ADAMTSL3: variants seen among roughly 807,000 people sequenced by gnomAD.
ADAMTSL3 encodes ADAMTS like 3, also known as ADAMTS-like protein 3.
In ADAMTSL3, 128 loss-of-function variants were observed where a neutral mutation model predicts 201.7. The ratio of observed to expected loss-of-function variants is 0.63; its 90% CI spans 0.55 to 0.73. The LOEUF is 0.73. Ranked by LOEUF, ADAMTSL3 falls within the 30% of genes least tolerant of loss-of-function variation. The pLI is 0.00. For missense variants in ADAMTSL3, 1,990 were observed against 2,119.6 expected (o/e 0.94, Z 1.20); for synonymous variants, 738 against 748.4 (o/e 0.99, Z 0.23).
At chr15:83,988,451 T>C (rs1013153723) in intron 21 of ADAMTSL3, among the ~76,000 whole-genome samples, 1 of 152,234 alleles carries the variant, frequency 6.6e-6, no homozygotes, top group African/African-American at 2.4e-5. Context: ...ATGGGAAGAC[T>C]GGATCTCTAA....
chr15:83,694,091 G>A (rs1424506573), intron 2 of ADAMTSL3, among the ~76,000 whole-genome samples: 1 of 152,190 alleles, frequency 6.6e-6, no homozygotes, highest in African/African-American at 2.4e-5. Context: ...CTGCCTAGAT[G>A]GGGCCCTGAG....
At chr15:83,927,355 C>G (rs1291421213) in intron 17 of ADAMTSL3, among the ~76,000 whole-genome samples, 2 of 152,064 alleles carry the variant, frequency 1.3e-5, no homozygotes, top group Non-Finnish European at 2.9e-5. Flanking sequence ...CTCGAGTGAT[C>G]CGCCCACCTC....
At chr15:83,710,652 C>G (rs2061921412) in intron 3 of ADAMTSL3, among the ~76,000 whole-genome samples, 1 of 152,200 alleles carries the variant, frequency 6.6e-6, no homozygotes, top group Non-Finnish European at 1.5e-5. Context: ...TGACTCTTCT[C>G]TTTCCTTCCT....
At chr15:83,802,173 A>G (rs2063534880) in intron 4 of ADAMTSL3, among the ~76,000 whole-genome samples, 1 of 152,212 alleles carries the variant, frequency 6.6e-6, no homozygotes. Flanking sequence ...TAATTAAATA[A>G]TACTTAACCA....
At chr15:83,938,346 C>G (rs1273378377) in intron 17 of ADAMTSL3, among the ~76,000 whole-genome samples, 1 of 152,128 alleles carries the variant, frequency 6.6e-6, no homozygotes, top group East Asian at 1.9e-4. Flanking sequence ...ATAATGTCCC[C>G]TTTATGATAA....
chr15:83,705,295 C>G (rs1023460596), intron 3 of ADAMTSL3, among the ~76,000 whole-genome samples: 2 of 151,992 alleles, frequency 1.3e-5, no homozygotes, highest in African/African-American at 4.8e-5. Context: ...CTGTAGGGCC[C>G]AAGTGAAGGT....
intron 3 of ADAMTSL3, among the ~76,000 whole-genome samples, chr15:83,710,981 G>A (rs2061925760): frequency 6.6e-6 from 1 of 152,148 alleles, no homozygotes; most frequent in Non-Finnish European, 1.5e-5. Flanking sequence ...GGCAGGAAAA[G>A]TATGAGAGAA....
At chr15:83,883,259 G>C (rs2065313242) in intron 9 of ADAMTSL3, among the ~76,000 whole-genome samples, 1 of 150,484 alleles carries the variant, frequency 6.6e-6, no homozygotes, top group African/African-American at 2.4e-5. Flanking sequence ...TGCAACCTCT[G>C]CCTCCCGGGT....
rs148599812 is a variant in ADAMTSL3 at position 83,998,308 on chromosome 15, G to T, written c.3973+7094G>T. 3.0e-3 allele frequency among the ~76,000 whole-genome samples: 464 copies of T among 152,246 alleles called. 3 individuals are homozygous for T. Among genetic ancestry groups the T allele is most frequent in the African/African-American group, 0.011 (453 of 41,554 alleles). On this transcript the variant is annotated intron_variant, in intron 23 of 29. Coordinates refer to ENST00000286744, the MANE Select transcript of ADAMTSL3 (RefSeq NM_207517.3). ...CACTAAAAATACAAAAATTAGCTGG[G>T]CATAGTGGTGCATGCCTGTAATCCC...
intron 3 of ADAMTSL3, among the ~76,000 whole-genome samples, chr15:83,725,870 ATTCTGGGTCTTTTGTGG>A (rs879465580): frequency 2.0e-5 from 3 of 152,224 alleles, no homozygotes; most frequent in Non-Finnish European, 4.4e-5. Flanking sequence ...AGCTTTGGCT[ATTCTGGGTCTTTTGTGG>A]TTCCACAGAA....
intron 2 of ADAMTSL3, among the ~76,000 whole-genome samples, chr15:83,665,681 AT>A (rs906054477): frequency 6.6e-6 from 1 of 152,216 alleles, no homozygotes; most frequent in African/African-American, 2.4e-5. Flanking sequence ...AAAGATGCTA[AT>A]TTCCATAAAT....
intron 2 of ADAMTSL3, among the ~76,000 whole-genome samples, chr15:83,657,631 C>T (rs1175652574): frequency 6.6e-6 from 1 of 152,238 alleles, no homozygotes; most frequent in African/African-American, 2.4e-5. Flanking sequence ...ATGTCTGGCA[C>T]ATAGTAAGTG....
chr15:83,654,644 G>A lies in ADAMTSL3; in HGVS notation c.-34+368G>A, dbSNP rs2061051042. The stretch of plus-strand genomic sequence containing the variant: ...TCCGGCCGGTTGACCACTGGGTAGC[G>A]AGCGCCCAGAACGCCGGGGGTTGAG... On this transcript the variant is annotated intron_variant, in intron 1 of 29. Coordinates refer to ENST00000286744, the MANE Select transcript of ADAMTSL3 (RefSeq NM_207517.3). The surrounding 1 kb of genome is among the most constrained non-coding windows in gnomAD (Gnocchi z 5.3). Among the ~76,000 whole-genome samples, 2 of 152,156 alleles carry A rather than the reference G, an allele frequency of 1.3e-5. No individual in the cohort carries two copies. Among genetic ancestry groups the A allele is most frequent in the Non-Finnish European group, 2.9e-5 (2 of 68,026 alleles).
intron 5 of ADAMTSL3, among the ~76,000 whole-genome samples, chr15:83,815,220 A>T (rs570593101): frequency 6.6e-6 from 1 of 152,188 alleles, no homozygotes. Context: ...TATGGAATCT[A>T]TTCTTATTAA....
chr15:84,013,792 A>C (rs910501270), intron 23 of ADAMTSL3, among the ~76,000 whole-genome samples: 1 of 152,162 alleles, frequency 6.6e-6, no homozygotes, highest in Non-Finnish European at 1.5e-5. Context: ...AAGAAGAAGA[A>C]GAAGAACCAA....
At chr15:83,952,326 T>G (rs2066772614) in intron 19 of ADAMTSL3, among the ~76,000 whole-genome samples, 1 of 152,242 alleles carries the variant, frequency 6.6e-6, no homozygotes. Context: ...AGGTGCTTGA[T>G]GTCATTTCAG....
At chr15:83,790,651 G>A (rs974390228) in intron 4 of ADAMTSL3, among the ~76,000 whole-genome samples, 1 of 151,956 alleles carries the variant, frequency 6.6e-6, no homozygotes, top group Non-Finnish European at 1.5e-5. Context: ...TTCCCCCTAA[G>A]GTATAGAATA....
At chr15:83,687,574 C>A (rs1250140824) in intron 2 of ADAMTSL3, among the ~76,000 whole-genome samples, 1 of 152,096 alleles carries the variant, frequency 6.6e-6, no homozygotes, top group African/African-American at 2.4e-5. Flanking sequence ...ATCCTCTGTC[C>A]TCTTTTGCTT....
intron 17 of ADAMTSL3, among the ~76,000 whole-genome samples, chr15:83,927,799 G>A (rs11631703): frequency 0.014 from 2,071 of 152,216 alleles, 20 homozygotes; most frequent in South Asian, 0.022. Context: ...AATGGAGGCT[G>A]TGGGAGCCCA....
Sources: allele counts gnomAD v4.1 joint callset (sites outside exome capture counted in the v4.1 genomes callset), GRCh38; gene constraint gnomAD v4.1.1; non-coding constraint Gnocchi (gnomAD v3.1); transcripts MANE v1.5; gene names NCBI Gene and HGNC (gene_info 2026-07-23, HGNC 2026-07-21).